ALK: variants seen among roughly 807,000 people sequenced by gnomAD.
The protein encoded by ALK is ALK tyrosine kinase receptor.
ALK carries 74 observed loss-of-function variants against 163.1 expected under a neutral mutation model. That is an observed-to-expected ratio of 0.45 (90% CI 0.38 to 0.55). The LOEUF is 0.55. Ranked by LOEUF, ALK falls within the 20% of genes least tolerant of loss-of-function variation. The pLI is 0.00. For synonymous variants in ALK, 960 were observed against 843.2 expected, an observed-to-expected ratio of 1.14 and a Z score of -2.40; for missense variants, 2,063 against 2,105.3, an observed-to-expected ratio of 0.98 and a Z score of 0.39.
At position 29,238,307 on chromosome 2, in the gene ALK, G is replaced by A. The variant is rs1664434241; in HGVS notation, c.2355+1373C>T. On this transcript the variant is annotated intron_variant, in intron 13 of 28. Transcript: ENST00000389048. Reference sequence around the variant, plus strand: ...TGCCTCCTGGGTTCAAGTGATTCTCGTGCCTCAGCCTCCTGAGTAGCTGGG... The same window carrying A: ...TGCCTCCTGGGTTCAAGTGATTCTCATGCCTCAGCCTCCTGAGTAGCTGGG... 2.0e-5 allele frequency among the ~76,000 whole-genome samples: 3 copies of A among 151,984 alleles called. No individual in the cohort carries two copies. The South Asian group carries it at 6.2e-4, about 32-fold the overall frequency.
At chr2:29,699,785 T>C (rs1236602926) in intron 2 of ALK, among the ~76,000 whole-genome samples, 3 of 152,222 alleles carry the variant, frequency 2.0e-5, no homozygotes, top group Non-Finnish European at 4.4e-5. Context: ...CTATCACATA[T>C]GTGAAATCAT....
chr2:29,206,925 T>G (rs1669327083), intron 26 of ALK, among the ~76,000 whole-genome samples: 1 of 152,234 alleles, frequency 6.6e-6, no homozygotes, highest in Non-Finnish European at 1.5e-5. Context: ...ATGCAAATTC[T>G]CAGCTAGATC....
Position 29,548,541 on chromosome 2 carries a change from T to C in ALK, c.953-16425A>G, listed in dbSNP as rs1447489761. Among the ~76,000 whole-genome samples the C allele has an allele frequency of 3.5e-4, 3 of 8,468 alleles. No homozygotes were observed. The East Asian group carries it at 0.25, about 706-fold the overall frequency. 5.6% of individuals were successfully genotyped at this position (8,468 alleles called of 152,430 possible). On this transcript the variant is annotated intron_variant, in intron 3 of 28. Transcript: ENST00000389048. ...ATCTATGCCAGTGCTGAACTGCCTG[T>C]CTCCGCTCTTCTTGTGGGAAACACA...
intron 1 of ALK, among the ~76,000 whole-genome samples, chr2:29,854,407 C>A (rs2148402904): frequency 6.6e-6 from 1 of 152,204 alleles, no homozygotes; most frequent in South Asian, 2.1e-4. Context: ...CCTGGAACCT[C>A]CCCCTCTCTC....
intron 1 of ALK, among the ~76,000 whole-genome samples, chr2:29,909,913 A>C (rs1177014322): frequency 6.6e-6 from 1 of 151,994 alleles, no homozygotes; most frequent in Non-Finnish European, 1.5e-5. Flanking sequence ...AGAAAATTCA[A>C]AAGTCTTTCA....
At chr2:29,643,794 T>C (rs1676789736) in intron 3 of ALK, among the ~76,000 whole-genome samples, 1 of 152,154 alleles carries the variant, frequency 6.6e-6, no homozygotes, top group South Asian at 2.1e-4. Context: ...TTTTACACTG[T>C]TGGTGGGACG....
chr2:29,689,684 ACC>A (rs1381829194), intron 3 of ALK, among the ~76,000 whole-genome samples: 1 of 152,086 alleles, frequency 6.6e-6, no homozygotes, highest in Non-Finnish European at 1.5e-5. Flanking sequence ...CCAAATCCTA[ACC>A]CCTGTGTACC....
intron 3 of ALK, among the ~76,000 whole-genome samples, chr2:29,564,201 C>A (rs957413421): frequency 6.6e-6 from 1 of 152,156 alleles, no homozygotes; most frequent in Admixed American, 6.5e-5. Flanking sequence ...GGGAAGCTAC[C>A]TTCTCCCAAC....
intron 1 of ALK, among the ~76,000 whole-genome samples, chr2:29,904,798 C>G (rs549842881): frequency 6.6e-6 from 1 of 152,140 alleles, no homozygotes; most frequent in Non-Finnish European, 1.5e-5. Context: ...CAGGGGTTAA[C>G]GAATGTTCAG....
chr2:29,865,369 C>A (rs967126502), intron 1 of ALK, among the ~76,000 whole-genome samples: 1 of 152,230 alleles, frequency 6.6e-6, no homozygotes, highest in African/African-American at 2.4e-5. Flanking sequence ...CCAGAGCACA[C>A]TGAAGCCTGA....
intron 3 of ALK, among the ~76,000 whole-genome samples, chr2:29,680,435 T>G (rs1678029429): frequency 6.6e-6 from 1 of 152,108 alleles, no homozygotes; most frequent in African/African-American, 2.4e-5. Context: ...ATTTTAAAAT[T>G]TCTTCTGCCT....
intron 4 of ALK, among the ~76,000 whole-genome samples, chr2:29,412,512 T>C (rs1335983977): frequency 6.6e-6 from 1 of 152,210 alleles, no homozygotes; most frequent in Non-Finnish European, 1.5e-5. Context: ...ACCTTATGGA[T>C]GGAAGTCCTT....
At chr2:29,675,831 G>C (rs1404452124) in intron 3 of ALK, among the ~76,000 whole-genome samples, 2 of 151,894 alleles carry the variant, frequency 1.3e-5, no homozygotes, top group African/African-American at 2.4e-5. Flanking sequence ...GTGAGCTTTA[G>C]TGTATTATTT....
At chr2:29,410,955 T>C (rs1160367051) in intron 4 of ALK, among the ~76,000 whole-genome samples, 1 of 152,240 alleles carries the variant, frequency 6.6e-6, no homozygotes, top group Admixed American at 6.5e-5. Context: ...TATAAACTTT[T>C]AATTTTTTGA....
intron 11 of ALK, among the ~76,000 whole-genome samples, chr2:29,267,081 A>ACTCT (rs150083664): frequency 1.4e-5 from 2 of 147,702 alleles, no homozygotes; most frequent in African/African-American, 5.0e-5. Context: ...TTACTAGAAG[A>ACTCT]CTCTCTCTCT....
intron 4 of ALK, among the ~76,000 whole-genome samples, chr2:29,504,668 A>C (rs891176829): frequency 6.6e-6 from 1 of 152,008 alleles, no homozygotes; most frequent in African/African-American, 2.4e-5. Flanking sequence ...ACAAGGAGAG[A>C]GGCAGTGAAG....
At chr2:29,770,132 A>T (rs1680976822) in intron 1 of ALK, among the ~76,000 whole-genome samples, 1 of 152,236 alleles carries the variant, frequency 6.6e-6, no homozygotes, top group Non-Finnish European at 1.5e-5. Context: ...CTCCCGGTCC[A>T]GGGACACCAG....
At chr2:29,653,936 G>C (rs533755834) in intron 3 of ALK, among the ~76,000 whole-genome samples, 36 of 152,178 alleles carry the variant, frequency 2.4e-4, no homozygotes, top group African/African-American at 7.9e-4. Context: ...GCACATGCCT[G>C]TAATCCCAGC....
intron 3 of ALK, among the ~76,000 whole-genome samples, chr2:29,590,854 G>A (rs1675032678): frequency 6.6e-6 from 1 of 151,682 alleles, no homozygotes; most frequent in Non-Finnish European, 1.5e-5. Context: ...GGCGGATCAC[G>A]AGGTCAGGAG....
Sources: gnomAD v4.1 joint callset for allele counts (sites outside exome capture counted in the v4.1 genomes callset) on GRCh38, gnomAD v4.1.1 for gene constraint, MANE v1.5 for transcripts, NCBI Gene and HGNC (gene_info 2026-07-23, HGNC 2026-07-21) for gene names.